RGMB: variants seen among roughly 807,000 people sequenced by gnomAD.
RGMB encodes the protein repulsive guidance molecule B.
RGMB carries 16 observed loss-of-function variants against 26.9 expected under a neutral mutation model. The observed-to-expected ratio is 0.60, with a 90% CI of 0.40 to 0.90. The LOEUF is 0.90. RGMB is among the 40% of genes least tolerant of loss of function. The pLI, the probability that RGMB is intolerant of heterozygous loss-of-function variation, is 0.00. For synonymous variants in RGMB, 225 were observed against 229.3 expected, an observed-to-expected ratio of 0.98 and a Z score of 0.17; for missense variants, 512 against 573.3, an observed-to-expected ratio of 0.89 and a Z score of 1.09.
At chr5:98,770,629 TG>T, upstream of RGMB, 1 of 1,403,480 alleles carries the variant, frequency 7.1e-7, no homozygotes, top group East Asian at 2.8e-5. Flanking sequence ...AGGGGCCCCC[TG>T]ATCCCGCTGA....
In RGMB at chr5:98,774,026, G is replaced by GCGCCGCCGCCCT. The variant is rs1304186159; in HGVS notation, c.-39_-28dup. On this transcript the variant is annotated 5_prime_UTR_variant, in exon 1 of 3. Transcript: ENST00000513185. ...CGGGCCCAGACCCGCCACGGCGCCC[G>GCGCCGCCGCCCT]CGCCGCCGCCCTCGCCGGAGCCCAC... 11 of 696,328 alleles carry GCGCCGCCGCCCT rather than the reference G, an allele frequency of 1.6e-5. No homozygotes were observed. The African/African-American group carries it at 1.9e-4, about 12-fold the overall frequency. 43.1% of individuals were successfully genotyped at this position (696,328 alleles called of 1,614,324 possible).
At chr5:98,770,844 C>T (rs970965189), upstream of RGMB, 230 of 434,042 alleles carry the variant, frequency 5.3e-4, 1 homozygote, top group Middle Eastern at 6.0e-4. Context: ...CTGCTTGACG[C>T]TGAGCTGTTG....
Position 98,773,942 on chromosome 5 carries a change from C to T in RGMB, c.-129C>T. On this transcript the variant is annotated 5_prime_UTR_variant, in exon 1 of 3. In the 5' UTR this introduces an upstream ATG that the reference lacks. Coordinates refer to ENST00000513185, the MANE Select transcript of RGMB (RefSeq NM_001366508.1). ...CGGTGGTGGCGCCCCATCTGCTACA[C>T]GGGCCTGAAGAAGGAAGAAGAGGAA... is the stretch of plus-strand genomic sequence containing the variant. 1.7e-6 allele frequency: 1 copy of T among 601,012 alleles called. No individual in the cohort carries two copies. Among genetic ancestry groups the T allele is most frequent in the South Asian group, 1.9e-5 (1 of 53,120 alleles). The allele number at this position is 601,012 out of a possible 1,614,324, so 37.2% of individuals were successfully genotyped here. A position where few individuals can be genotyped will look rare whatever the true frequency, so the allele number is the denominator to read the frequency against.
rs143621667 is a variant in RGMB, at chr5:98,787,734, G to C, written c.646-5351G>C. ...CTCATGCTCACCCTAATACAAGGAA[G>C]TTGGCGAATTTGCCTGTCTCTGTGG... On this transcript the variant is annotated intron_variant, in intron 2 of 2. Coordinates refer to ENST00000513185, the MANE Select transcript of RGMB (RefSeq NM_001366508.1). 4.3e-3 allele frequency among the ~76,000 whole-genome samples: 650 copies of C among 152,344 alleles called. 3 individuals carry two copies. Among genetic ancestry groups the C allele is most frequent in the Non-Finnish European group, 6.8e-3 (466 of 68,036 alleles).
chr5:98,773,603 C>G, upstream of RGMB: 1 of 255,054 alleles, frequency 3.9e-6, no homozygotes, highest in Non-Finnish European at 7.4e-6. Flanking sequence ...GATTGGCGGG[C>G]ACAGGGCGGG....
chr5:98,773,888 C>T lies in RGMB; in HGVS notation c.-183C>T, dbSNP rs1746274799. 5.8e-6 allele frequency: 3 copies of T among 517,756 alleles called. No homozygotes were observed. Among genetic ancestry groups the T allele is most frequent in the Non-Finnish European group, 1.0e-5 (3 of 296,760 alleles). The allele number at this position is 517,756 out of a possible 1,614,324, so 32.1% of individuals were successfully genotyped here. A position where few individuals can be genotyped will look rare whatever the true frequency, so the allele number is the denominator to read the frequency against. ...CCCCGCTGCTGCCGCCGCGGACTGGCTGCGCCGGCTGCGCGCTGCTTGCTG... is the reference window on the plus strand; with the variant it reads ...CCCCGCTGCTGCCGCCGCGGACTGGTTGCGCCGGCTGCGCGCTGCTTGCTG... On this transcript the variant is annotated 5_prime_UTR_variant, in exon 1 of 3. Transcript: ENST00000513185.
At position 98,773,828 on chromosome 5, in the gene RGMB, TGCCTGCCGCC is replaced by T. The variant is rs1746270655; in HGVS notation, c.-242_-233del. On this transcript the variant is annotated 5_prime_UTR_variant, in exon 1 of 3. Transcript: ENST00000513185. ...GTGTCTTCTCTTCCGCCCCTTTCCC[TGCCTGCCGCC>T]TCCGGCCGCCACGATGCCCCTGCGC... is the stretch of plus-strand genomic sequence containing the variant. 1 of 465,880 alleles carries T rather than the reference TGCCTGCCGCC, an allele frequency of 2.1e-6. No homozygotes were observed. Among genetic ancestry groups the T allele is most frequent in the South Asian group, 4.1e-5 (1 of 24,394 alleles). The allele number at this position is 465,880 out of a possible 1,614,324, so 28.9% of individuals were successfully genotyped here.
upstream of RGMB, among the ~76,000 whole-genome samples, chr5:98,771,968 A>G (rs1746180271): frequency 6.6e-6 from 1 of 152,234 alleles, no homozygotes; most frequent in Non-Finnish European, 1.5e-5. Context: ...TGTTAGCCAA[A>G]TACTTTGAAA....
intron 1 of RGMB, among the ~76,000 whole-genome samples, chr5:98,775,826 G>A (rs1469015123): frequency 1.3e-5 from 2 of 152,214 alleles, no homozygotes; most frequent in Non-Finnish European, 2.9e-5. Flanking sequence ...TGTGGTAAGC[G>A]ATTTCTATGG....
intron 1 of RGMB, among the ~76,000 whole-genome samples, chr5:98,774,543 C>G (rs1165841160): frequency 1.3e-5 from 2 of 152,216 alleles, no homozygotes; most frequent in Non-Finnish European, 2.9e-5. Context: ...TTATTGCTCT[C>G]TGCGCTGGTG....
Position 98,773,894 on chromosome 5 carries a change from C to G in RGMB, c.-177C>G. 1 of 521,568 alleles carries G rather than the reference C, an allele frequency of 1.9e-6. No homozygotes were observed. Among genetic ancestry groups the G allele is most frequent in the South Asian group, 2.8e-5 (1 of 36,132 alleles). 32.3% of individuals were successfully genotyped at this position (521,568 alleles called of 1,614,324 possible). Reference sequence around the variant, plus strand: ...TGCTGCCGCCGCGGACTGGCTGCGCCGGCTGCGCGCTGCTTGCTGCGGCGG... The same window carrying G: ...TGCTGCCGCCGCGGACTGGCTGCGCGGGCTGCGCGCTGCTTGCTGCGGCGG... On this transcript the variant is annotated 5_prime_UTR_variant, in exon 1 of 3. Coordinates refer to ENST00000513185, the MANE Select transcript of RGMB (RefSeq NM_001366508.1).
chr5:98,783,793 A>G (rs1186586307), intron 2 of RGMB, among the ~76,000 whole-genome samples: 1 of 152,232 alleles, frequency 6.6e-6, no homozygotes, highest in African/African-American at 2.4e-5. Flanking sequence ...TCCTTTTTCA[A>G]AAACAATTCT....
At chr5:98,770,387 A>C (rs1363842764), upstream of RGMB, 4 of 393,396 alleles carry the variant, frequency 1.0e-5, no homozygotes. Flanking sequence ...ATAAATGGAC[A>C]GGAAGCGCAT....
intron 2 of RGMB, among the ~76,000 whole-genome samples, chr5:98,792,589 C>T (rs949249301): frequency 5.4e-5 from 8 of 147,560 alleles, no homozygotes; most frequent in African/African-American, 1.5e-4. Flanking sequence ...CCCCCCGCCC[C>T]CCACCAACCC....
At chr5:98,774,325 C>A in intron 1 of RGMB, 119 bp downstream of exon 1, 2 of 1,034,410 alleles carry the variant, frequency 1.9e-6, no homozygotes, top group Non-Finnish European at 2.6e-6. Flanking sequence ...ACGGGAAAGG[C>A]CTCCCGAGCC....
chr5:98,784,887 T>C (rs1394755549), intron 2 of RGMB, among the ~76,000 whole-genome samples: 1 of 152,208 alleles, frequency 6.6e-6, no homozygotes, highest in Non-Finnish European at 1.5e-5. Context: ...GGACGCATGG[T>C]ATTTGTGGGG....
At chr5:98,770,691 AT>A, upstream of RGMB, 1 of 1,435,124 alleles carries the variant, frequency 7.0e-7, no homozygotes, top group South Asian at 1.5e-5. Flanking sequence ...CAGGCACTTG[AT>A]TTCTCAAGTC....
chr5:98,768,711 T>G (rs1746055483), upstream of RGMB: 1 of 152,278 alleles, frequency 6.6e-6, no homozygotes, highest in Non-Finnish European at 1.5e-5. Flanking sequence ...ATCTTTGGCT[T>G]TCTTAAGCTG....
intron 2 of RGMB, chr5:98,781,096 C>G (rs112096809): frequency 2.6e-5 from 4 of 152,174 alleles, no homozygotes; most frequent in African/African-American, 7.2e-5. Flanking sequence ...GAAATACTTA[C>G]GACTGTTCTC....
Sources: allele counts gnomAD v4.1 joint callset (sites outside exome capture counted in the v4.1 genomes callset), GRCh38; gene constraint gnomAD v4.1.1; transcripts MANE v1.5; gene names NCBI Gene and HGNC (gene_info 2026-07-23, HGNC 2026-07-21).